Variants in SYNE2 observed in about 807,000 individuals in gnomAD.
The protein encoded by SYNE2 is spectrin repeat containing nuclear envelope protein 2, also known as nesprin-2.
A neutral mutation model predicts 856.3 loss-of-function variants in SYNE2; 431 were observed. That is an observed-to-expected ratio of 0.50 (90% CI 0.47 to 0.55). The LOEUF (loss-of-function observed/expected upper bound fraction) is 0.55. Ranked by LOEUF, SYNE2 falls within the 20% of genes least tolerant of loss-of-function variation. The pLI is 0.00. For missense variants in SYNE2, 8,129 were observed against 8,023.2 expected, an observed-to-expected ratio of 1.01 and a Z score of -0.50; for synonymous variants, 2,923 against 2,872.3, an observed-to-expected ratio of 1.02 and a Z score of -0.56.
intron 2 of SYNE2, among the ~76,000 whole-genome samples, chr14:63,921,186 A>G (rs1214439365): frequency 5.0e-5 from 7 of 140,934 alleles, no homozygotes. Context: ...CCATTTACTG[A>G]AAAAAAAAAA....
intron 1 of SYNE2, among the ~76,000 whole-genome samples, chr14:63,808,208 G>C (rs1379473262): frequency 2.0e-5 from 3 of 148,018 alleles, no homozygotes; most frequent in Non-Finnish European, 4.5e-5. Context: ...GATTACAGGT[G>C]TGAGCCACTG....
At chr14:63,916,187 T>C (rs1248784796) in intron 2 of SYNE2, among the ~76,000 whole-genome samples, 1 of 152,070 alleles carries the variant, frequency 6.6e-6, no homozygotes, top group Non-Finnish European at 1.5e-5. Flanking sequence ...TGGTATCCAT[T>C]GTACAAATTC....
intron 63 of SYNE2, 57 bp from the exon 64 acceptor site, chr14:64,101,875 C>T (rs908430712): frequency 2.4e-5 from 32 of 1,317,384 alleles, no homozygotes; most frequent in African/African-American, 1.9e-4. Flanking sequence ...AGTAGGGCAC[C>T]GGTTATGACA....
chr14:64,036,510 C>G (rs1595031051), intron 45 of SYNE2, among the ~76,000 whole-genome samples: 1 of 152,172 alleles, frequency 6.6e-6, no homozygotes, highest in South Asian at 2.1e-4. Context: ...GTCTCAAACT[C>G]CTGGGCTAAG....
At chr14:64,031,691 A>AG (rs1333174396) in intron 45 of SYNE2, among the ~76,000 whole-genome samples, 1 of 152,258 alleles carries the variant, frequency 6.6e-6, no homozygotes, top group African/African-American at 2.4e-5. Flanking sequence ...CTATTTTCTC[A>AG]GGAAAAAAAT....
At chr14:64,028,806 C>T (rs2097004375) in intron 43 of SYNE2, among the ~76,000 whole-genome samples, 1 of 152,026 alleles carries the variant, frequency 6.6e-6, no homozygotes, top group Non-Finnish European at 1.5e-5. Flanking sequence ...TATCAGTGCC[C>T]CTCCCTCAGA....
chr14:64,149,925 T>G (rs34994562), intron 84 of SYNE2, among the ~76,000 whole-genome samples: 10,956 of 151,368 alleles, frequency 0.072, 510 homozygotes, highest in East Asian at 0.14. Context: ...TCCGTATTAT[T>G]CTGCAGAGCA....
At chr14:63,852,344 G>A (rs1387102138), upstream of SYNE2, among the ~76,000 whole-genome samples, 1 of 152,118 alleles carries the variant, frequency 6.6e-6, no homozygotes, top group East Asian at 1.9e-4. Flanking sequence ...ACTGGCACCT[G>A]CAAGACGCAG....
chr14:64,101,822 T>C, intron 63 of SYNE2, 110 bp from the exon 64 acceptor site: 1 of 776,816 alleles, frequency 1.3e-6, no homozygotes, highest in Non-Finnish European at 2.3e-6. Context: ...GGGCTGTGGT[T>C]ACACTGCCTG....
intron 99 of SYNE2, among the ~76,000 whole-genome samples, chr14:64,201,229 C>T (rs2098562643): frequency 6.6e-6 from 1 of 152,216 alleles, no homozygotes; most frequent in Non-Finnish European, 1.5e-5. Flanking sequence ...GCTACCACTT[C>T]CCTGAAGCTT....
At chr14:63,866,917 C>G (rs1160909061) in intron 1 of SYNE2, among the ~76,000 whole-genome samples, 2 of 152,152 alleles carry the variant, frequency 1.3e-5, no homozygotes, top group Non-Finnish European at 2.9e-5. Flanking sequence ...GATTGTGCCA[C>G]TACACTTCAG....
chr14:64,016,364 T>C (rs2096892147), intron 32 of SYNE2, 109 bp from the exon 33 acceptor site: 1 of 720,564 alleles, frequency 1.4e-6, no homozygotes, highest in South Asian at 2.0e-5. Context: ...GAAGGTATTA[T>C]GCTTTGTTGG....
At position 64,133,067 on chromosome 14, in the gene SYNE2, G is replaced by T. The variant is rs532664029; in HGVS notation, c.14514+629G>T. Among the ~76,000 whole-genome samples the T allele has an allele frequency of 2.6e-5, 4 of 152,066 alleles. No individual in the cohort carries two copies. The South Asian group carries it at 6.2e-4, about 24-fold the overall frequency. ...AATACAAAAAAAAAATTAGCTGGGCGTGGTGGTGGGCGCCTGTAGTCCCAG... is the reference window on the plus strand; with the variant it reads ...AATACAAAAAAAAAATTAGCTGGGCTTGGTGGTGGGCGCCTGTAGTCCCAG... On this transcript the variant is annotated intron_variant, in intron 77 of 115. Transcript: ENST00000555002.
intron 36 of SYNE2, 87 bp downstream of exon 36, chr14:64,021,602 A>AG: frequency 1.5e-5 from 23 of 1,513,390 alleles, no homozygotes; most frequent in Middle Eastern, 4.3e-4. Flanking sequence ...TAATAAAAAT[A>AG]GAAAAAAAAA....
intron 99 of SYNE2, among the ~76,000 whole-genome samples, chr14:64,200,911 T>A (rs916132584): frequency 2.6e-5 from 4 of 152,208 alleles, no homozygotes; most frequent in African/African-American, 9.7e-5. Flanking sequence ...CCAGACCACA[T>A]GTCCTTCTTC....
chr14:64,033,871 A>T (rs569888373), intron 45 of SYNE2, among the ~76,000 whole-genome samples: 4 of 152,266 alleles, frequency 2.6e-5, no homozygotes, highest in African/African-American at 9.6e-5. Context: ...ATAAGTTTGG[A>T]TACAGATAAC....
At chr14:64,070,435 C>A (rs2097396881) in intron 51 of SYNE2, among the ~76,000 whole-genome samples, 1 of 152,150 alleles carries the variant, frequency 6.6e-6, no homozygotes, top group African/African-American at 2.4e-5. Context: ...CAGCAGTACT[C>A]CATTTCAGTC....
At position 63,982,839 on chromosome 14, in the gene SYNE2, T is replaced by C. The variant is rs1282942797; in HGVS notation, c.2001+45T>C. On this transcript the variant is annotated intron_variant, in intron 17 of 115. Transcript: ENST00000555002. ...TGCAGCTTTATTTAGATATGATTCA[T>C]GTACCACACAATTTACTCATTGTAA... The C allele has an allele frequency of 3.8e-6, 6 of 1,583,934 alleles. No individual in the cohort carries two copies. The Admixed American group carries it at 6.7e-5, about 18-fold the overall frequency.
chr14:64,212,322 G>T (rs1003978758), intron 104 of SYNE2, among the ~76,000 whole-genome samples: 2 of 152,128 alleles, frequency 1.3e-5, no homozygotes, highest in African/African-American at 4.8e-5. Flanking sequence ...ACAGAGGTCC[G>T]CTCTCCCATT....
Sources: gnomAD v4.1 joint callset for allele counts (sites outside exome capture counted in the v4.1 genomes callset) on GRCh38, gnomAD v4.1.1 for gene constraint, MANE v1.5 for transcripts, NCBI Gene and HGNC (gene_info 2026-07-23, HGNC 2026-07-21) for gene names.